The following PCLO variants were observed in gnomAD, a reference collection of about 807,000 sequenced individuals.
PCLO encodes piccolo presynaptic cytomatrix protein, also known as protein piccolo.
Under a neutral mutation model 427.5 loss-of-function variants are expected in PCLO, and 82 were observed. The observed-to-expected ratio is 0.19, with a 90% CI of 0.16 to 0.23. The LOEUF (loss-of-function observed/expected upper bound fraction) is 0.23, where lower values mean the gene tolerates loss of function less well. Among genes scored for constraint, PCLO ranks in the 10% least tolerant of loss-of-function variants. The pLI is 1.00. For synonymous variants in PCLO, 2,357 were observed against 2,155.4 expected (o/e 1.09, Z -2.59); for missense variants, 6,239 against 6,115.9 (o/e 1.02, Z -0.67).
chr7:82,776,750 G>A (rs1275945963), intron 22 of PCLO, among the ~76,000 whole-genome samples: 1 of 152,050 alleles, frequency 6.6e-6, no homozygotes, highest in Non-Finnish European at 1.5e-5. Context: ...AGCCAAGATC[G>A]TGCCACTGTA....
chr7:82,818,676 T>C, intron 20 of PCLO, among the ~76,000 whole-genome samples: 1 of 152,208 alleles, frequency 6.6e-6, no homozygotes, highest in East Asian at 1.9e-4. Context: ...GACAATGTTA[T>C]ATTTGTCGGT....
At chr7:83,037,164 G>T (rs1788814925) in intron 3 of PCLO, among the ~76,000 whole-genome samples, 1 of 152,102 alleles carries the variant, frequency 6.6e-6, no homozygotes, top group African/African-American at 2.4e-5. Context: ...ACCAGTTTGT[G>T]ATCATACTAT....
chr7:83,097,918 A>G (rs547038021), intron 3 of PCLO, among the ~76,000 whole-genome samples: 93 of 152,234 alleles, frequency 6.1e-4, no homozygotes, highest in African/African-American at 2.1e-3. Context: ...ATTAATTTCC[A>G]AAGTGTTTTA....
At chr7:82,963,391 G>C (rs1335851792) in intron 4 of PCLO, among the ~76,000 whole-genome samples, 1 of 151,846 alleles carries the variant, frequency 6.6e-6, no homozygotes, top group Non-Finnish European at 1.5e-5. Flanking sequence ...TGGTATTAAG[G>C]AAGGTTAACA....
intron 3 of PCLO, among the ~76,000 whole-genome samples, chr7:83,057,520 C>T (rs1583967498): frequency 2.0e-5 from 3 of 149,708 alleles, no homozygotes; most frequent in Admixed American, 6.7e-5. Flanking sequence ...CGCCACCATG[C>T]CCGGCTAATT....
intron 3 of PCLO, among the ~76,000 whole-genome samples, chr7:83,016,131 C>G (rs1403099302): frequency 6.6e-6 from 1 of 152,054 alleles, no homozygotes; most frequent in Non-Finnish European, 1.5e-5. Context: ...TAAGAAAGGA[C>G]ATGGCACAGG....
Position 83,061,305 on chromosome 7 carries a change from T to A in PCLO, c.3300+72945A>T, listed in dbSNP as rs147109778. Among the ~76,000 whole-genome samples, 4 of 152,272 alleles carry A rather than the reference T, an allele frequency of 2.6e-5. No homozygotes were observed. In the East Asian group the frequency reaches 7.7e-4, roughly 29 times the overall value. ...CTGCCATGTGGGTCTCTCTACAACA[T>A]GGGAATTTGCTTTTTAAAGGCCAGC... On this transcript the variant is annotated intron_variant, in intron 3 of 24. Coordinates refer to ENST00000333891, the MANE Select transcript of PCLO (RefSeq NM_033026.6).
rs747386270 is a variant in PCLO at position 82,954,435 on chromosome 7, G to C, written c.6518C>G (p.Ala2173Gly). The C allele has an allele frequency of 1.9e-6, 3 of 1,613,750 alleles. No individual in the cohort carries two copies. The highest frequency in any genetic ancestry group is 1.7e-6 in the Non-Finnish European group (2 of 1,179,774). ...ILTYSEPSES[A>G]TSVPPSDTPS... ...TGTGTCAGAGGGTGGGACAGATGTA[G>C]CACTTTCTGAAGGCTCCGAGTAGGT... The change falls in exon 5 of 25, where the codon GCT becomes GGT. Residue 2173 changes from alanine to glycine, a missense_variant. Transcript: ENST00000333891.
chr7:83,033,414 T>C (rs1365254010), intron 3 of PCLO, among the ~76,000 whole-genome samples: 1 of 152,204 alleles, frequency 6.6e-6, no homozygotes, highest in Non-Finnish European at 1.5e-5. Context: ...TATCTGTTAT[T>C]TGTATGGCAT....
At chr7:83,067,579 C>G (rs2116339059) in intron 3 of PCLO, among the ~76,000 whole-genome samples, 1 of 152,298 alleles carries the variant, frequency 6.6e-6, no homozygotes, top group Admixed American at 6.5e-5. Flanking sequence ...ACCCTCAGTC[C>G]AGGGGCTTAC....
intron 2 of PCLO, among the ~76,000 whole-genome samples, chr7:83,147,560 A>G (rs1434571777): frequency 6.6e-6 from 1 of 152,214 alleles, no homozygotes; most frequent in Non-Finnish European, 1.5e-5. Flanking sequence ...CAAACTTGGC[A>G]TCACAGGCTT....
chr7:83,047,464 A>T (rs1225649068), intron 3 of PCLO, among the ~76,000 whole-genome samples: 1 of 152,070 alleles, frequency 6.6e-6, no homozygotes, highest in Non-Finnish European at 1.5e-5. Flanking sequence ...TTCATTGAAG[A>T]TACTGGAGAT....
chr7:82,892,224 C>T (rs954923567), intron 9 of PCLO, among the ~76,000 whole-genome samples: 1 of 152,126 alleles, frequency 6.6e-6, no homozygotes, highest in Non-Finnish European at 1.5e-5. Context: ...GGTACCAAAA[C>T]AGAGATATAG....
At chr7:82,902,273 G>T (rs1206229170) in intron 9 of PCLO, among the ~76,000 whole-genome samples, 1 of 151,676 alleles carries the variant, frequency 6.6e-6, no homozygotes, top group Non-Finnish European at 1.5e-5. Context: ...CATGTCCTTT[G>T]TAGGGACATG....
At chr7:82,918,945 A>T (rs1438908933) in intron 6 of PCLO, among the ~76,000 whole-genome samples, 1 of 152,068 alleles carries the variant, frequency 6.6e-6, no homozygotes, top group Non-Finnish European at 1.5e-5. Flanking sequence ...AGAACTTAAT[A>T]ATGGTTGAAA....
chr7:82,836,221 C>T (rs1301649325), intron 15 of PCLO, among the ~76,000 whole-genome samples: 1 of 152,028 alleles, frequency 6.6e-6, no homozygotes, highest in Non-Finnish European at 1.5e-5. Context: ...AGATGATATT[C>T]CAGGATATCA....
chr7:83,132,897 T>G (rs892084232), intron 3 of PCLO, among the ~76,000 whole-genome samples: 6 of 152,036 alleles, frequency 3.9e-5, no homozygotes, highest in African/African-American at 7.2e-5. Flanking sequence ...TAAAAGTGTT[T>G]TTTTTAAGGT....
At chr7:83,152,875 A>T (rs1316814326) in intron 2 of PCLO, among the ~76,000 whole-genome samples, 1 of 152,194 alleles carries the variant, frequency 6.6e-6, no homozygotes, top group East Asian at 1.9e-4. Context: ...TAAGATCAAC[A>T]TTCACATTTT....
intron 10 of PCLO, among the ~76,000 whole-genome samples, chr7:82,864,463 T>C (rs752488837): frequency 6.6e-6 from 1 of 152,078 alleles, no homozygotes; most frequent in Admixed American, 6.6e-5. Flanking sequence ...CTGGAATGTG[T>C]TGTGGAAGGC....
Sources: allele counts gnomAD v4.1 joint callset (sites outside exome capture counted in the v4.1 genomes callset), GRCh38; gene constraint gnomAD v4.1.1; transcripts MANE v1.5; gene names NCBI Gene and HGNC (gene_info 2026-07-23, HGNC 2026-07-21).